Variants in ARHGAP6 observed in about 807,000 individuals in gnomAD.
The protein encoded by ARHGAP6 is rho GTPase-activating protein 6.
In ARHGAP6, 16 loss-of-function variants were observed where a neutral mutation model predicts 55.7. That is an observed-to-expected ratio of 0.29 (90% CI 0.19 to 0.44). The LOEUF is 0.44. Ranked by LOEUF, ARHGAP6 falls within the 20% of genes least tolerant of loss-of-function variation. ARHGAP6 has a pLI of 1.00. For synonymous variants in ARHGAP6, 382 were observed against 360.9 expected (o/e 1.06, Z -0.66); for missense variants, 698 against 808.9 (o/e 0.86, Z 1.66).
intron 1 of ARHGAP6, among the ~76,000 whole-genome samples, chrX:11,432,079 C>T (rs1325379667): frequency 8.9e-6 from 1 of 112,559 alleles, no homozygotes; most frequent in Non-Finnish European, 1.9e-5. Flanking sequence ...AGATGTCCCC[C>T]AGGGAGTGGG....
chrX:11,610,998 C>A (rs2147153033), intron 1 of ARHGAP6, among the ~76,000 whole-genome samples: 1 of 112,445 alleles, frequency 8.9e-6, no homozygotes, highest in African/African-American at 3.2e-5. Flanking sequence ...TAGCATATAC[C>A]AGTACTTCAT....
intron 1 of ARHGAP6, among the ~76,000 whole-genome samples, chrX:11,277,933 G>C (rs1042564162): frequency 9.0e-6 from 1 of 111,460 alleles, no homozygotes; most frequent in East Asian, 2.8e-4. Context: ...CAATAGGCTT[G>C]CTTTAATTAC....
intron 1 of ARHGAP6, among the ~76,000 whole-genome samples, chrX:11,571,172 G>C (rs1190833849): frequency 3.6e-5 from 4 of 111,803 alleles, no homozygotes; most frequent in African/African-American, 1.3e-4. Flanking sequence ...TTTTGTAATG[G>C]CAGCACAAAT....
Position 11,537,944 on chromosome X carries a change from T to G in ARHGAP6, c.588+126297A>C, listed in dbSNP as rs189215323. 5.9e-3 allele frequency among the ~76,000 whole-genome samples: 651 copies of G among 109,859 alleles called. 2 individuals carry two copies. Among genetic ancestry groups the G allele is most frequent in the African/African-American group, 0.021 (620 of 29,967 alleles). ...AATAATTTTGACCTCAAGGAACTCC[T>G]GGGAATAAAAAAAAAAACCCAATAG... On this transcript the variant is annotated intron_variant, in intron 1 of 12. Transcript: ENST00000337414.
At chrX:11,395,583 G>A (rs1240470078) in intron 1 of ARHGAP6, among the ~76,000 whole-genome samples, 1 of 112,215 alleles carries the variant, frequency 8.9e-6, no homozygotes, top group Non-Finnish European at 1.9e-5. Flanking sequence ...TCCAGCCAAC[G>A]CAAGCTGGCT....
chrX:11,582,639 C>T (rs2051678849), intron 1 of ARHGAP6, among the ~76,000 whole-genome samples: 1 of 111,797 alleles, frequency 8.9e-6, no homozygotes, highest in Non-Finnish European at 1.9e-5. Flanking sequence ...GATCATAGGA[C>T]TCTGACATCT....
chrX:11,627,317 T>C (rs1476087083), intron 1 of ARHGAP6, among the ~76,000 whole-genome samples: 1 of 111,189 alleles, frequency 9.0e-6, no homozygotes, highest in Non-Finnish European at 1.9e-5. Flanking sequence ...CCATAGAACT[T>C]ATGTAAATGA....
rs151230008 is a variant in ARHGAP6, at chrX:11,329,740, C to T, written c.589-75033G>A. ...GGCTTACTAGTGACCTAGTGGACCA[C>T]GAAGTGAACATCATAGCATGTACTT... is the stretch of plus-strand genomic sequence containing the variant. On this transcript the variant is annotated intron_variant, in intron 1 of 12. Coordinates refer to ENST00000337414, the MANE Select transcript of ARHGAP6 (RefSeq NM_013427.3). Among the ~76,000 whole-genome samples, 85 of 112,064 alleles carry T rather than the reference C, an allele frequency of 7.6e-4. 3 individuals are homozygous for T. In the East Asian group the frequency reaches 0.015, roughly 19 times the overall value.
chrX:11,288,252 C>T (rs893178017), intron 1 of ARHGAP6, among the ~76,000 whole-genome samples: 3 of 111,708 alleles, frequency 2.7e-5, no homozygotes, highest in Non-Finnish European at 3.8e-5. Flanking sequence ...ACCCGGCATG[C>T]GGGAGGTGAC....
intron 1 of ARHGAP6, among the ~76,000 whole-genome samples, chrX:11,350,782 AT>A (rs1247170080): frequency 9.0e-6 from 1 of 111,407 alleles, no homozygotes; most frequent in East Asian, 2.8e-4. Context: ...TTACAGAGAC[AT>A]TTACTTGGGA....
intron 1 of ARHGAP6, among the ~76,000 whole-genome samples, chrX:11,409,277 T>G (rs1053085493): frequency 8.9e-6 from 1 of 111,751 alleles, no homozygotes; most frequent in Non-Finnish European, 1.9e-5. Context: ...ATATAATAAC[T>G]AGGGCCACCG....
chrX:11,647,363 A>AGGAG (rs1245244964), intron 1 of ARHGAP6, among the ~76,000 whole-genome samples: 3 of 112,306 alleles, frequency 2.7e-5, no homozygotes, highest in African/African-American at 9.7e-5. Flanking sequence ...GGGAATGACA[A>AGGAG]GGAGTATTTT....
chrX:11,335,965 T>C (rs1336633115), intron 1 of ARHGAP6: 1 of 120,498 alleles, frequency 8.3e-6, no homozygotes, highest in Admixed American at 9.4e-5. Context: ...GGCAAGAAGG[T>C]GCAGAACCAG....
chrX:11,154,035 T>C (rs1434017984), intron 10 of ARHGAP6, among the ~76,000 whole-genome samples: 1 of 109,842 alleles, frequency 9.1e-6, no homozygotes, highest in East Asian at 2.9e-4. Flanking sequence ...CATTGTTCAA[T>C]TCCCACCTAT....
At chrX:11,514,281 T>G (rs5935094) in intron 1 of ARHGAP6, among the ~76,000 whole-genome samples, 12,751 of 110,047 alleles carry the variant, frequency 0.12, 759 homozygotes, top group African/African-American at 0.21. Flanking sequence ...TACTTGCTTT[T>G]GTCTTTTCAT....
intron 1 of ARHGAP6, among the ~76,000 whole-genome samples, chrX:11,569,599 G>A (rs765697607): frequency 3.6e-5 from 4 of 111,833 alleles, no homozygotes; most frequent in East Asian, 2.8e-4. Flanking sequence ...CATTTCCATC[G>A]CTGACTTCTA....
chrX:11,226,066 T>C (rs1454234305), intron 2 of ARHGAP6, among the ~76,000 whole-genome samples: 1 of 109,723 alleles, frequency 9.1e-6, no homozygotes, highest in Admixed American at 9.8e-5. Flanking sequence ...TTTGTTACAT[T>C]GTATACATGT....
At chrX:11,235,225 G>A (rs903138424) in intron 2 of ARHGAP6, among the ~76,000 whole-genome samples, 3 of 113,075 alleles carry the variant, frequency 2.7e-5, no homozygotes, top group South Asian at 3.6e-4. Flanking sequence ...GTGTACCCAC[G>A]GGACCAACAC....
At chrX:11,159,330 G>A (rs2045908358) in intron 9 of ARHGAP6, among the ~76,000 whole-genome samples, 1 of 111,638 alleles carries the variant, frequency 9.0e-6, no homozygotes, top group Non-Finnish European at 1.9e-5. Context: ...AGAGTAGAAT[G>A]CATGGAGCCA....
Sources: allele counts gnomAD v4.1 joint callset (sites outside exome capture counted in the v4.1 genomes callset), GRCh38; gene constraint gnomAD v4.1.1; transcripts MANE v1.5; gene names NCBI Gene and HGNC (gene_info 2026-07-23, HGNC 2026-07-21).